SLC10A7: variants seen among roughly 807,000 people sequenced by gnomAD.
SLC10A7 encodes sodium/bile acid cotransporter 7.
In SLC10A7, 29 loss-of-function variants were observed where a neutral mutation model predicts 43.2. That is an observed-to-expected ratio of 0.67 (90% CI 0.50 to 0.92). The LOEUF (loss-of-function observed/expected upper bound fraction) is 0.92. Ranked by LOEUF, SLC10A7 falls within the 40% of genes least tolerant of loss-of-function variation. SLC10A7 has a pLI of 0.00. For synonymous variants in SLC10A7, 152 were observed against 144.8 expected (o/e 1.05, Z -0.35); for missense variants, 295 against 403.2 (o/e 0.73, Z 2.30).
chr4:146,504,283 G>A (rs925474843), intron 3 of SLC10A7, among the ~76,000 whole-genome samples: 8 of 152,138 alleles, frequency 5.3e-5, no homozygotes, highest in Non-Finnish European at 1.0e-4. Context: ...ACTTTGGGAG[G>A]CCGAGATGGG....
At chr4:146,414,641 T>C (rs1728442300) in intron 5 of SLC10A7, among the ~76,000 whole-genome samples, 1 of 151,806 alleles carries the variant, frequency 6.6e-6, no homozygotes, top group African/African-American at 2.4e-5. Flanking sequence ...GAGAACCACT[T>C]GAACCCAGGA....
At chr4:146,467,532 T>A (rs899634325) in intron 4 of SLC10A7, among the ~76,000 whole-genome samples, 1 of 150,912 alleles carries the variant, frequency 6.6e-6, no homozygotes, top group Non-Finnish European at 1.5e-5. Flanking sequence ...CCTTAGCATG[T>A]TTTTTTGCCC....
intron 5 of SLC10A7, among the ~76,000 whole-genome samples, chr4:146,412,835 T>C (rs1473421451): frequency 6.6e-6 from 1 of 152,102 alleles, no homozygotes; most frequent in East Asian, 1.9e-4. Context: ...TGAATAGCAC[T>C]TAATTATAAT....
chr4:146,388,638 A>G (rs1434343288), intron 5 of SLC10A7, among the ~76,000 whole-genome samples: 1 of 152,046 alleles, frequency 6.6e-6, no homozygotes, highest in Non-Finnish European at 1.5e-5. Flanking sequence ...GCGCGCCTGT[A>G]GTCCCAGCTA....
At chr4:146,337,547 G>A (rs1366140650) in intron 5 of SLC10A7, among the ~76,000 whole-genome samples, 1 of 151,890 alleles carries the variant, frequency 6.6e-6, no homozygotes, top group Non-Finnish European at 1.5e-5. Flanking sequence ...TTAGAATCAT[G>A]GTTCAGTTGA....
At chr4:146,384,218 A>C (rs2149794732) in intron 5 of SLC10A7, among the ~76,000 whole-genome samples, 1 of 152,292 alleles carries the variant, frequency 6.6e-6, no homozygotes, top group South Asian at 2.1e-4. Context: ...TGGTGGATTA[A>C]TACAGAATAT....
At chr4:146,348,250 C>T (rs1734765881) in intron 5 of SLC10A7, among the ~76,000 whole-genome samples, 1 of 152,136 alleles carries the variant, frequency 6.6e-6, no homozygotes, top group African/African-American at 2.4e-5. Context: ...AGTATGTTTA[C>T]AAACTGACCT....
chr4:146,473,671 C>T (rs1411331117), intron 4 of SLC10A7, among the ~76,000 whole-genome samples: 4 of 151,980 alleles, frequency 2.6e-5, no homozygotes, highest in Admixed American at 1.3e-4. Context: ...GAGCATGAGA[C>T]TACCAATTTG....
At chr4:146,348,634 T>G (rs942171951) in intron 5 of SLC10A7, among the ~76,000 whole-genome samples, 2 of 152,172 alleles carry the variant, frequency 1.3e-5, no homozygotes, top group Non-Finnish European at 2.9e-5. Context: ...AGATTTCTTC[T>G]GGAGAAAACT....
intron 10 of SLC10A7, among the ~76,000 whole-genome samples, chr4:146,278,249 G>C (rs1371223582): frequency 1.3e-5 from 2 of 152,012 alleles, no homozygotes; most frequent in African/African-American, 2.4e-5. Flanking sequence ...AGATTGTTTA[G>C]GTAACATTAT....
At chr4:146,366,926 CATT>C (rs2149772194) in intron 5 of SLC10A7, among the ~76,000 whole-genome samples, 1 of 152,210 alleles carries the variant, frequency 6.6e-6, no homozygotes, top group African/African-American at 2.4e-5. Flanking sequence ...GTTATACACT[CATT>C]AGGGGCAAAG....
intron 3 of SLC10A7, among the ~76,000 whole-genome samples, chr4:146,508,887 G>C (rs1382141523): frequency 1.3e-5 from 2 of 152,084 alleles, no homozygotes; most frequent in East Asian, 3.9e-4. Flanking sequence ...GGCCTATAAG[G>C]CTCTACATAC....
intron 4 of SLC10A7, among the ~76,000 whole-genome samples, chr4:146,477,158 C>T (rs1212578907): frequency 6.6e-6 from 1 of 152,212 alleles, no homozygotes; most frequent in Non-Finnish European, 1.5e-5. Context: ...TAACACATAT[C>T]TCCAATTAGA....
intron 5 of SLC10A7, among the ~76,000 whole-genome samples, chr4:146,423,681 A>G (rs930766603): frequency 1.3e-5 from 2 of 152,246 alleles, no homozygotes; most frequent in African/African-American, 2.4e-5. Context: ...GTGCTACTCA[A>G]TAGCCCTAAA....
chr4:146,441,330 A>T (rs1274793580), intron 5 of SLC10A7, among the ~76,000 whole-genome samples: 1 of 152,212 alleles, frequency 6.6e-6, no homozygotes, highest in Non-Finnish European at 1.5e-5. Context: ...AATATGATAC[A>T]TTCATATAGT....
chr4:146,263,654 A>G (rs1728372238), intron 10 of SLC10A7, among the ~76,000 whole-genome samples: 2 of 152,342 alleles, frequency 1.3e-5, no homozygotes, highest in South Asian at 4.1e-4. Flanking sequence ...CATGGTTGAC[A>G]GGATTCAACT....
intron 6 of SLC10A7, among the ~76,000 whole-genome samples, chr4:146,307,600 T>C (rs891735226): frequency 6.6e-6 from 1 of 152,160 alleles, no homozygotes; most frequent in Non-Finnish European, 1.5e-5. Flanking sequence ...TATATTTTAC[T>C]GAGAAATGAG....
At position 146,442,653 on chromosome 4, in the gene SLC10A7, G is replaced by C. The variant is rs190256191; in HGVS notation, c.435+130C>G. On this transcript the variant is annotated intron_variant, in intron 5 of 11. Coordinates refer to ENST00000335472, the MANE Select transcript of SLC10A7 (RefSeq NM_001029998.6). The stretch of plus-strand genomic sequence containing the variant: ...ACTTTTCTTCAGGGTATGGATACTG[G>C]CACATGAAAAGATTCAACAATTTTT... 1,520 of 1,501,596 alleles carry C rather than the reference G, an allele frequency of 1.0e-3. 1 individual carries two copies. The highest frequency in any genetic ancestry group is 1.2e-3 in the Non-Finnish European group (1,366 of 1,132,354). The allele number at this position is 1,501,596 out of a possible 1,614,324, so 93.0% of individuals were successfully genotyped here.
At chr4:146,357,874 G>T (rs569978753) in intron 5 of SLC10A7, among the ~76,000 whole-genome samples, 1 of 152,212 alleles carries the variant, frequency 6.6e-6, no homozygotes, top group South Asian at 2.1e-4. Context: ...CAAAGATGTG[G>T]CAGTTTTCCT....
Sources: allele counts gnomAD v4.1 joint callset (sites outside exome capture counted in the v4.1 genomes callset), GRCh38; gene constraint gnomAD v4.1.1; transcripts MANE v1.5; gene names NCBI Gene and HGNC (gene_info 2026-07-23, HGNC 2026-07-21).